APTX: variants seen among roughly 807,000 people sequenced by gnomAD.
APTX encodes the protein forkhead-associated domain histidine triad-like protein.
Under a neutral mutation model 42.3 loss-of-function variants are expected in APTX, and 33 were observed. The ratio of observed to expected loss-of-function variants is 0.78; its 90% CI spans 0.59 to 1.04. The LOEUF is 1.04. Ranked by LOEUF, APTX falls within the 50% of genes least tolerant of loss-of-function variation. The pLI is 0.00. For synonymous variants in APTX, 130 were observed against 146.7 expected (o/e 0.89, Z 0.82); for missense variants, 421 against 415.1 (o/e 1.01, Z -0.12).
intron 3 of APTX, 117 bp from the exon 4 acceptor site, chr9:32,987,963 A>C (rs1472077628): frequency 6.6e-7 from 1 of 1,506,448 alleles, no homozygotes; most frequent in African/African-American, 1.4e-5. Flanking sequence ...ATGTTCACCT[A>C]TATTACTCCA....
At chr9:32,979,644 A>G (rs1036454834) in intron 6 of APTX, 1 of 158,098 alleles carries the variant, frequency 6.3e-6, no homozygotes, top group Non-Finnish European at 1.4e-5. Context: ...TGAACAAGCC[A>G]CTCTGGGTTC....
chr9:33,007,575 G>A (rs960481990), intron 1 of APTX, among the ~76,000 whole-genome samples: 1 of 152,298 alleles, frequency 6.6e-6, no homozygotes, highest in South Asian at 2.1e-4. Flanking sequence ...TCTATAGGCA[G>A]TCCTAGGTCT....
chr9:33,020,948 G>A (rs1352349042), intron 1 of APTX, among the ~76,000 whole-genome samples: 1 of 152,024 alleles, frequency 6.6e-6, no homozygotes, highest in Non-Finnish European at 1.5e-5. Context: ...GGCCAACATG[G>A]AGAAACCCTG....
chr9:33,007,887 G>C (rs1169007122), intron 1 of APTX, among the ~76,000 whole-genome samples: 4 of 151,232 alleles, frequency 2.6e-5, no homozygotes, highest in Non-Finnish European at 5.9e-5. Context: ...GCCCAGAGGG[G>C]TACTCTGCCT....
chr9:33,021,998 A>G (rs1411382737), intron 1 of APTX, among the ~76,000 whole-genome samples: 1 of 151,664 alleles, frequency 6.6e-6, no homozygotes, highest in African/African-American at 2.4e-5. Flanking sequence ...TGAAAGTACT[A>G]GACCTAACCT....
At chr9:33,015,332 T>C (rs959438484) in intron 1 of APTX, among the ~76,000 whole-genome samples, 2 of 152,168 alleles carry the variant, frequency 1.3e-5, no homozygotes, top group African/African-American at 4.8e-5. Flanking sequence ...GAGAAGATCT[T>C]GCATAAGGGT....
intron 1 of APTX, 39 bp downstream of exon 1, chr9:33,001,528 G>C (rs1430134900): frequency 6.2e-7 from 1 of 1,613,162 alleles, no homozygotes; most frequent in South Asian, 1.1e-5. Flanking sequence ...GCGGCATTGA[G>C]CCCAGCCAGC....
chr9:33,008,166 A>T (rs1837291064), intron 1 of APTX, among the ~76,000 whole-genome samples: 1 of 152,012 alleles, frequency 6.6e-6, no homozygotes, highest in Admixed American at 6.6e-5. Flanking sequence ...CATGGGGGTA[A>T]ATCTGAGGGG....
chr9:32,989,685 C>A, intron 2 of APTX, 74 bp downstream of exon 2: 2 of 1,608,362 alleles, frequency 1.2e-6, no homozygotes, highest in East Asian at 2.2e-5. Context: ...TCAAGATCAC[C>A]CAGAAAATAT....
chr9:33,004,805 G>T (rs908063014), upstream of APTX, among the ~76,000 whole-genome samples: 1 of 119,038 alleles, frequency 8.4e-6, no homozygotes, highest in African/African-American at 2.9e-5. Context: ...GGTAATTTTT[G>T]TATTTTTTTT....
chr9:33,020,207 C>G (rs1394405456), intron 1 of APTX: 1 of 216,962 alleles, frequency 4.6e-6, no homozygotes, highest in Non-Finnish European at 9.0e-6. Flanking sequence ...TCATTCAAAC[C>G]TGGACTCACC....
chr9:33,013,168 A>G (rs1353984968), intron 1 of APTX, among the ~76,000 whole-genome samples: 1 of 152,190 alleles, frequency 6.6e-6, no homozygotes, highest in Non-Finnish European at 1.5e-5. Context: ...AACATTTACT[A>G]GTGTTTATTT....
intron 4 of APTX, 26 bp from the exon 5 acceptor site, chr9:32,986,056 A>AAAAAAAAAAAAAAAAC: frequency 1.2e-6 from 1 of 809,230 alleles, no homozygotes; most frequent in East Asian, 3.6e-5. Flanking sequence ...AAAAAAAAAC[A>AAAAAAAAAAAAAAAAC]AAAAAAAAAA....
intron 5 of APTX, among the ~76,000 whole-genome samples, chr9:32,985,637 G>A (rs1446767573): frequency 6.6e-6 from 1 of 151,954 alleles, no homozygotes; most frequent in Admixed American, 6.6e-5. Flanking sequence ...TTAATGCCAG[G>A]GCAGCACAGT....
chr9:32,994,441 T>C, intron 1 of APTX, among the ~76,000 whole-genome samples: 1 of 152,146 alleles, frequency 6.6e-6, no homozygotes, highest in Middle Eastern at 3.2e-3. Flanking sequence ...TTCACAGAAC[T>C]AGTCCCACTT....
intron 1 of APTX, 186 bp from the exon 2 acceptor site, chr9:32,990,081 G>A (rs543378613): frequency 1.5e-6 from 1 of 683,976 alleles, no homozygotes; most frequent in African/African-American, 1.8e-5. Context: ...GGAGGCTGTT[G>A]TGAAAATTAA....
intron 1 of APTX, among the ~76,000 whole-genome samples, chr9:33,012,684 A>C (rs1273134922): frequency 2.6e-5 from 4 of 152,146 alleles, no homozygotes; most frequent in African/African-American, 9.7e-5. Flanking sequence ...AAGCCACCCT[A>C]GCAGTTGCTA....
intron 6 of APTX, among the ~76,000 whole-genome samples, chr9:32,977,051 T>A (rs1046109165): frequency 6.6e-6 from 1 of 152,152 alleles, no homozygotes; most frequent in African/African-American, 2.4e-5. Context: ...TGAAAAAAAA[T>A]GTAATTTCCA....
At position 32,986,042 on chromosome 9, in the gene APTX, A is replaced by T. The variant is rs1981011; in HGVS notation, c.484-12T>A. The T allele has an allele frequency of 9.9e-6, 9 of 913,296 alleles. No individual in the cohort carries two copies. In the African/African-American group the frequency reaches 1.2e-4, roughly 12 times the overall value. The allele number at this position is 913,296 out of a possible 1,614,324, so 56.6% of individuals were successfully genotyped here. ...TGGCCCAGGGATTCCTAAAAAAAAA[A>T]CAAAAAAAAAAACAAAAAAAAAAAA... is the stretch of plus-strand genomic sequence containing the variant. On this transcript the variant is annotated splice_polypyrimidine_tract_variant and intron_variant, in intron 4 of 7. Coordinates refer to ENST00000379817, the MANE Select transcript of APTX (RefSeq NM_001195248.2).
Sources: gnomAD v4.1 joint callset for allele counts (sites outside exome capture counted in the v4.1 genomes callset) on GRCh38, gnomAD v4.1.1 for gene constraint, MANE v1.5 for transcripts, NCBI Gene and HGNC (gene_info 2026-07-23, HGNC 2026-07-21) for gene names.